KANSL3: variants seen among roughly 807,000 people sequenced by gnomAD.
The protein encoded by KANSL3 is KAT8 regulatory NSL complex subunit 3.
A neutral mutation model predicts 89.2 loss-of-function variants in KANSL3; 16 were observed. The ratio of observed to expected loss-of-function variants is 0.18; its 90% confidence interval spans 0.12 to 0.27. The LOEUF (loss-of-function observed/expected upper bound fraction) is 0.27, where lower values mean the gene tolerates loss of function less well. Among genes scored for constraint, KANSL3 ranks in the 10% least tolerant of loss-of-function variants. The pLI, the probability that KANSL3 is intolerant of heterozygous loss-of-function variation, is 1.00. For missense variants in KANSL3, 879 were observed against 1,110.6 expected (o/e 0.79, Z 2.96); for synonymous variants, 385 against 419.7 (o/e 0.92, Z 1.01).
chr2:96,582,302 G>A, the KANSL3 span, among the ~76,000 whole-genome samples: 22 of 152,230 alleles, frequency 1.4e-4, no homozygotes, highest in South Asian at 1.7e-3. Context: ...AGAGGCTAAG[G>A]CAGGAGAATC....
At chr2:96,623,200 A>G (rs1473416391) in intron 3 of KANSL3, among the ~76,000 whole-genome samples, 1 of 152,208 alleles carries the variant, frequency 6.6e-6, no homozygotes, top group Non-Finnish European at 1.5e-5. Context: ...CTGCATTCTA[A>G]GTTCTGTAAA....
At chr2:96,609,155 C>T in intron 12 of KANSL3, 91 bp from the exon 13 acceptor site, 1 of 1,190,108 alleles carries the variant, frequency 8.4e-7, no homozygotes, top group Non-Finnish European at 1.2e-6. Context: ...CAGATTCTCC[C>T]TCAGCTCTGG....
Position 96,609,557 on chromosome 2 carries a change from C to T in KANSL3, c.1325G>A (p.Ser442Asn), listed in dbSNP as rs1027242550. Reference protein sequence around the residue: ...VGGADDNLRISKAKKKSEGLT... With the variant: ...VGGADDNLRINKAKKKSEGLT... Reference sequence around the variant, plus strand: ...CCCTTCTGATTTCTTCTTTGCTTTGCTTATTCTAAGAAACAAAAAGGATGA... The same window carrying T: ...CCCTTCTGATTTCTTCTTTGCTTTGTTTATTCTAAGAAACAAAAAGGATGA... The change falls in exon 12 of 21, where the codon AGC becomes AAC. Residue 442 changes from serine (S) to asparagine (N), a missense_variant. Transcript: ENST00000431828. 5.0e-6 allele frequency: 8 copies of T among 1,613,232 alleles called. No homozygotes were observed. The highest frequency in any genetic ancestry group is 6.8e-6 in the Non-Finnish European group (8 of 1,179,220).
chr2:96,583,245 A>AT, the KANSL3 span, among the ~76,000 whole-genome samples: 5 of 151,942 alleles, frequency 3.3e-5, no homozygotes, highest in Admixed American at 1.3e-4. Context: ...GAAGTTTTCT[A>AT]TTTTTTTATT....
chr2:96,593,186 TTTAA>T lies in KANSL3; in HGVS notation c.*2421_*2424del. 1 of 447,138 alleles carries T rather than the reference TTTAA, an allele frequency of 2.2e-6. No individual in the cohort carries two copies. Among genetic ancestry groups the T allele is most frequent in the Non-Finnish European group, 4.5e-6 (1 of 222,570 alleles). The allele number at this position is 447,138 out of a possible 1,614,324, so 27.7% of individuals were successfully genotyped here. Reference sequence around the variant, plus strand: ...CAATCCAAATGTTGTTTTTGGTGTTTTTAATTGTTTTTGTTAATGTAAAAACAGA... The same window carrying T: ...CAATCCAAATGTTGTTTTTGGTGTTTTTGTTTTTGTTAATGTAAAAACAGA... On this transcript the variant is annotated 3_prime_UTR_variant, in exon 21 of 21. Coordinates refer to ENST00000431828, the MANE Select transcript of KANSL3 (RefSeq NM_001115016.3).
chr2:96,590,382 T>TC (rs1342666433), downstream of KANSL3, among the ~76,000 whole-genome samples: 1 of 151,750 alleles, frequency 6.6e-6, no homozygotes, highest in Non-Finnish European at 1.5e-5. Flanking sequence ...AGCCTTGACC[T>TC]CCCAGGCTCA....
downstream of KANSL3, among the ~76,000 whole-genome samples, chr2:96,590,382 T>C (rs982337275): frequency 6.6e-6 from 1 of 151,750 alleles, no homozygotes; most frequent in Non-Finnish European, 1.5e-5. Flanking sequence ...AGCCTTGACC[T>C]CCCAGGCTCA....
intron 11 of KANSL3, 148 bp from the exon 12 acceptor site, chr2:96,609,710 G>T: frequency 1.4e-6 from 1 of 729,792 alleles, no homozygotes; most frequent in Non-Finnish European, 2.4e-6. Flanking sequence ...CAACCTCTCC[G>T]AACCTGTTTC....
At chr2:96,602,053 G>A (rs779876706) in intron 19 of KANSL3, 63 bp downstream of exon 19, 550 of 1,456,252 alleles carry the variant, frequency 3.8e-4, no homozygotes, top group Non-Finnish European at 4.8e-4. Flanking sequence ...CACATGAGAT[G>A]GGAAGGTCCT....
Position 96,611,132 on chromosome 2 carries a change from C to T in KANSL3, c.1093G>A (p.Val365Ile). 1.2e-6 allele frequency: 2 copies of T among 1,613,742 alleles called. No individual in the cohort carries two copies. The highest frequency in any genetic ancestry group is 8.5e-7 in the Non-Finnish European group (1 of 1,179,622). Residue 365 changes from valine to isoleucine, a missense_variant, in exon 10 of 21, where the codon GTA (valine) becomes ATA (isoleucine). Coordinates refer to ENST00000431828, the MANE Select transcript of KANSL3 (RefSeq NM_001115016.3). ...TGALVACHVS[V>I]MEYVTAVVCL... ...ACAACTGCAGTGACATACTCCATTA[C>T]TGACACCTGTAAATAACAGAACAGT...
chr2:96,627,231 T>C (rs2072504728), intron 3 of KANSL3, among the ~76,000 whole-genome samples: 1 of 152,058 alleles, frequency 6.6e-6, no homozygotes, highest in African/African-American at 2.4e-5. Context: ...TTTTTTTTTT[T>C]TGAGACGGAG....
At chr2:96,581,881 C>G in the KANSL3 span, among the ~76,000 whole-genome samples, 329 of 152,298 alleles carry the variant, frequency 2.2e-3, no homozygotes, top group Non-Finnish European at 3.5e-3. Flanking sequence ...TCAAGGTTAA[C>G]TGAGATTCTT....
At chr2:96,628,428 A>C (rs761750791) in intron 3 of KANSL3, 13 of 249,992 alleles carry the variant, frequency 5.2e-5, no homozygotes, top group African/African-American at 2.0e-4. Context: ...AGGTGGGCAG[A>C]CCACTTGAGC....
chr2:96,637,363 A>C, intron 1 of KANSL3, 178 bp from the exon 2 acceptor site: 1 of 501,544 alleles, frequency 2.0e-6, no homozygotes, highest in Non-Finnish European at 3.5e-6. Context: ...AAAAAAGAAA[A>C]AAAAAACTAT....
At chr2:96,586,476 C>A in the KANSL3 span, among the ~76,000 whole-genome samples, 8 of 152,148 alleles carry the variant, frequency 5.3e-5, no homozygotes, top group African/African-American at 1.9e-4. Flanking sequence ...GTGGGTTTTC[C>A]TTATTGCTCC....
Position 96,604,854 on chromosome 2 carries a change from C to G in KANSL3, c.1943G>C (p.Gly648Ala). ...CCCCAGTGTCATGGTGATGGGCTTC[C>G]CACCTGCAGCTTCAAAACAGAAAAC... Reference protein sequence around the residue: ...SQGSAPEAAGGKPITMTLGQA... With the variant: ...SQGSAPEAAGAKPITMTLGQA... Residue 648 changes from glycine to alanine, a missense_variant, in exon 16 of 21, where the codon GGG (glycine) becomes GCG (alanine). Transcript: ENST00000431828. The G allele has an allele frequency of 6.3e-7, 1 of 1,591,972 alleles. No homozygotes were observed. The highest frequency in any genetic ancestry group is 8.6e-7 in the Non-Finnish European group (1 of 1,169,162).
chr2:96,637,369 A>C (rs1031480547), intron 1 of KANSL3, 184 bp from the exon 2 acceptor site: 2 of 503,460 alleles, frequency 4.0e-6, no homozygotes, highest in East Asian at 3.2e-5. Context: ...GAAAAAAAAA[A>C]CTATGGTGCC....
At position 96,608,875 on chromosome 2, in the gene KANSL3, A is replaced by G; in HGVS notation, c.1573T>C (p.Ser525Pro). 6.3e-7 allele frequency: 1 copy of G among 1,581,502 alleles called. No homozygotes were observed. The highest frequency in any genetic ancestry group is 1.8e-5 in the Admixed American group (1 of 54,932). Residue 525 changes from serine to proline, a missense_variant, in exon 13 of 21, where the codon TCA becomes CCA. This residue lies in a region of KANSL3 where 317 missense variants were observed against 311.2 expected (regional missense o/e 1.02). Coordinates refer to ENST00000431828, the MANE Select transcript of KANSL3 (RefSeq NM_001115016.3). Reference protein sequence around the residue: ...SPAAKLPASPSGSEDLSSVSS... With the variant: ...SPAAKLPASPPGSEDLSSVSS... ...CCTGCTCACACTACCTCTGAGCCTG[A>G]GGGTGAGGCGGGCAGCTTGGCAGCT...
chr2:96,591,089 A>T (rs1212475957), downstream of KANSL3, among the ~76,000 whole-genome samples: 1 of 152,242 alleles, frequency 6.6e-6, no homozygotes, highest in Non-Finnish European at 1.5e-5. Flanking sequence ...AACAAACTAG[A>T]TGTCCCTCAA....
Sources: gnomAD v4.1 joint callset for allele counts (sites outside exome capture counted in the v4.1 genomes callset) on GRCh38, gnomAD v4.1.1 for gene constraint, gnomAD v4.1.1 regional missense constraint, MANE v1.5 for transcripts, NCBI Gene and HGNC (gene_info 2026-07-23, HGNC 2026-07-21) for gene names.